TENM2: variants seen among roughly 807,000 people sequenced by gnomAD.
TENM2 encodes teneurin-2.
A neutral mutation model predicts 245.2 loss-of-function variants in TENM2; 52 were observed. The observed-to-expected ratio is 0.21, with a 90% CI of 0.17 to 0.27. The LOEUF is 0.27. Ranked by LOEUF, TENM2 falls within the 10% of genes least tolerant of loss-of-function variation. The pLI is 1.00. For synonymous variants in TENM2, 1,363 were observed against 1,438.9 expected (o/e 0.95, Z 1.19); for missense variants, 3,046 against 3,666.8 (o/e 0.83, Z 4.37).
the TENM2 span, among the ~76,000 whole-genome samples, chr5:167,252,954 A>G: frequency 6.6e-6 from 1 of 152,152 alleles, no homozygotes; most frequent in Non-Finnish European, 1.5e-5. Context: ...ATGAAGTATA[A>G]TATAAATGAT....
chr5:167,006,859 G>A, the TENM2 span, among the ~76,000 whole-genome samples: 3 of 152,082 alleles, frequency 2.0e-5, no homozygotes, highest in East Asian at 3.9e-4. Context: ...AGAGATGGGG[G>A]TTTCTTCATG....
intron 5 of TENM2, among the ~76,000 whole-genome samples, chr5:168,004,085 G>T (rs1367570523): frequency 6.6e-6 from 1 of 152,180 alleles, no homozygotes; most frequent in East Asian, 1.9e-4. Flanking sequence ...AATCGCCTTT[G>T]TCTTCAAATG....
chr5:167,512,500 G>A (rs562878767), intron 2 of TENM2, among the ~76,000 whole-genome samples: 3 of 152,254 alleles, frequency 2.0e-5, no homozygotes, highest in South Asian at 4.1e-4. Context: ...TACACTCCGA[G>A]GGATGTAGTG....
In TENM2 at chr5:167,357,039, C is replaced by T. The variant is rs1202667555; in HGVS notation, c.227-18159C>T. 2.0e-5 allele frequency among the ~76,000 whole-genome samples: 3 copies of T among 151,992 alleles called. No individual in the cohort carries two copies. The East Asian group carries it at 5.8e-4, about 29-fold the overall frequency. On this transcript the variant is annotated intron_variant, in intron 1 of 28. Coordinates refer to ENST00000518659, the Ensembl canonical transcript of TENM2. Reference sequence around the variant, plus strand: ...CTATTGTGTCCAATGGATAAGTTGGCTCTGGGAGGAAAGCTTTGTTCAAGT... The same window carrying T: ...CTATTGTGTCCAATGGATAAGTTGGTTCTGGGAGGAAAGCTTTGTTCAAGT...
intron 7 of TENM2, among the ~76,000 whole-genome samples, chr5:168,078,956 A>G (rs951047474): frequency 6.6e-6 from 1 of 152,140 alleles, no homozygotes; most frequent in African/African-American, 2.4e-5. Flanking sequence ...GTTTTTTCCA[A>G]TTCTATGAGG....
intron 2 of TENM2, among the ~76,000 whole-genome samples, chr5:167,387,942 A>G (rs1326585092): frequency 6.6e-6 from 1 of 151,888 alleles, no homozygotes; most frequent in Non-Finnish European, 1.5e-5. Context: ...AAGGACTTTA[A>G]TATTTATGTT....
chr5:168,062,762 G>A (rs1790155966), intron 7 of TENM2, among the ~76,000 whole-genome samples: 1 of 152,182 alleles, frequency 6.6e-6, no homozygotes, highest in South Asian at 2.1e-4. Context: ...AGTGAAAGAA[G>A]CCAGATACCA....
upstream of TENM2, among the ~76,000 whole-genome samples, chr5:167,284,448 G>A (rs2127708582): frequency 6.6e-6 from 1 of 152,310 alleles, no homozygotes; most frequent in East Asian, 1.9e-4. Context: ...GCTTTGAATT[G>A]CTTCACAGTA....
intron 2 of TENM2, among the ~76,000 whole-genome samples, chr5:167,543,588 T>C (rs948224396): frequency 5.3e-5 from 8 of 152,206 alleles, no homozygotes; most frequent in African/African-American, 1.9e-4. Context: ...ATCCGTTTTA[T>C]AGAGCAACTG....
intron 2 of TENM2, among the ~76,000 whole-genome samples, chr5:167,609,539 G>T (rs1335171847): frequency 7.8e-6 from 1 of 127,904 alleles, no homozygotes; most frequent in African/African-American, 3.1e-5. Context: ...AGGTTTTTTA[G>T]AAATTAGAGA....
intron 2 of TENM2, among the ~76,000 whole-genome samples, chr5:167,508,122 G>A (rs762435194): frequency 1.3e-5 from 2 of 152,034 alleles, no homozygotes; most frequent in African/African-American, 2.4e-5. Flanking sequence ...TTTGTTACAC[G>A]TCCCTTAATT....
intron 2 of TENM2, among the ~76,000 whole-genome samples, chr5:167,546,467 A>C (rs540285567): frequency 6.6e-6 from 1 of 152,310 alleles, no homozygotes; most frequent in African/African-American, 2.4e-5. Context: ...TAATCAAGAA[A>C]TGGAGTCTGG....
At chr5:167,444,095 A>G (rs1016093425) in intron 2 of TENM2, among the ~76,000 whole-genome samples, 6 of 152,148 alleles carry the variant, frequency 3.9e-5, no homozygotes, top group Non-Finnish European at 2.9e-5. Flanking sequence ...GATAAGTAAG[A>G]TAGTCTCCAG....
At chr5:167,281,768 G>A (rs1771079181), upstream of TENM2, among the ~76,000 whole-genome samples, 1 of 152,116 alleles carries the variant, frequency 6.6e-6, no homozygotes, top group South Asian at 2.1e-4. Flanking sequence ...GGAGGCCGAG[G>A]CGAGCAGATC....
At chr5:167,563,837 G>T (rs970385790) in intron 2 of TENM2, among the ~76,000 whole-genome samples, 2 of 152,150 alleles carry the variant, frequency 1.3e-5, no homozygotes, top group African/African-American at 2.4e-5. Flanking sequence ...ATGCTGTACC[G>T]GTTTGAAGCC....
chr5:167,049,577 G>A, the TENM2 span, among the ~76,000 whole-genome samples: 1 of 152,128 alleles, frequency 6.6e-6, no homozygotes, highest in Non-Finnish European at 1.5e-5. Context: ...TGAGTTTTCA[G>A]TGAAAAGAAA....
intron 2 of TENM2, among the ~76,000 whole-genome samples, chr5:167,745,244 C>T (rs1222952251): frequency 6.6e-6 from 1 of 152,212 alleles, no homozygotes; most frequent in Non-Finnish European, 1.5e-5. Context: ...GTTGTCCAGG[C>T]CCGCATTTCT....
the TENM2 span, among the ~76,000 whole-genome samples, chr5:167,022,681 G>A: frequency 2.0e-5 from 3 of 151,980 alleles, no homozygotes; most frequent in East Asian, 1.9e-4. Context: ...GCAAAACTAC[G>A]CCTAAGTGAC....
intron 2 of TENM2, among the ~76,000 whole-genome samples, chr5:167,862,825 G>A (rs1428192810): frequency 6.6e-6 from 1 of 152,172 alleles, no homozygotes; most frequent in African/African-American, 2.4e-5. Context: ...ATGGAATCTC[G>A]ACCCAATTGT....
Sources: gnomAD v4.1 joint callset for allele counts (sites outside exome capture counted in the v4.1 genomes callset) on GRCh38, gnomAD v4.1.1 for gene constraint, MANE v1.5 for transcripts, NCBI Gene and HGNC (gene_info 2026-07-23, HGNC 2026-07-21) for gene names.